SYT12: variants seen among roughly 807,000 people sequenced by gnomAD.
The protein encoded by SYT12 is synaptotagmin 12.
SYT12 carries 27 observed loss-of-function variants against 39.5 expected under a neutral mutation model. The ratio of observed to expected loss-of-function variants is 0.68; its 90% CI spans 0.50 to 0.94. The LOEUF is 0.94. Among genes scored for constraint, SYT12 ranks in the 40% least tolerant of loss-of-function variants. The pLI is 0.00. For missense variants in SYT12, 536 were observed against 572.6 expected, an observed-to-expected ratio of 0.94 and a Z score of 0.65; for synonymous variants, 233 against 239.7, an observed-to-expected ratio of 0.97 and a Z score of 0.26.
rs1217968703 is a variant in SYT12, at chr11:67,045,893, G to A, written c.1092+16G>A. ...TGTGCTCCAGGTGAGGGGGGCTGGG[G>A]GATGGGAAGGGGCCAGGTCACCCCA... On this transcript the variant is annotated intron_variant, in intron 7 of 7. Transcript: ENST00000527043. 1 of 1,613,022 alleles carries A rather than the reference G, an allele frequency of 6.2e-7. No individual in the cohort carries two copies. Among genetic ancestry groups the A allele is most frequent in the African/African-American group, 1.3e-5 (1 of 74,624 alleles).
chr11:67,048,634 G>A lies in SYT12; in HGVS notation c.1143G>A (p.Gly381=). ...TVAESSSDGR[G]DNVGHVIIGP... The stretch of plus-strand genomic sequence containing the variant: ...CTGAGAGCAGCAGCGACGGCCGTGG[G>A]GACAACGTGGGCCATGTCATCATTG... The change falls in exon 8 of 8, where the codon GGG becomes GGA. Residue 381 remains glycine, a synonymous_variant. Transcript: ENST00000527043. 3.7e-6 allele frequency: 6 copies of A among 1,611,924 alleles called. No individual in the cohort carries two copies. Among genetic ancestry groups the A allele is most frequent in the Non-Finnish European group, 5.1e-6 (6 of 1,178,482 alleles).
At chr11:67,047,892 A>G (rs1854611236) in intron 7 of SYT12, among the ~76,000 whole-genome samples, 1 of 136,566 alleles carries the variant, frequency 7.3e-6, no homozygotes, top group South Asian at 2.4e-4. Flanking sequence ...GGTTCACGCC[A>G]TTCTCCTGCC....
chr11:67,033,722 A>G (rs1429545035), intron 2 of SYT12, among the ~76,000 whole-genome samples: 1 of 152,156 alleles, frequency 6.6e-6, no homozygotes, highest in Non-Finnish European at 1.5e-5. Flanking sequence ...AGAGAACTGT[A>G]TTTGCCAGCA....
At chr11:67,039,155 T>C (rs1482405772) in intron 3 of SYT12, among the ~76,000 whole-genome samples, 1 of 146,500 alleles carries the variant, frequency 6.8e-6, no homozygotes, top group Non-Finnish European at 1.5e-5. Context: ...AATACAAAAT[T>C]AGCCGGGCGT....
chr11:67,015,291 C>T (rs2136195221), intron 3 of SYT12, among the ~76,000 whole-genome samples: 1 of 152,370 alleles, frequency 6.6e-6, no homozygotes, highest in South Asian at 2.1e-4. Flanking sequence ...AAGGCCAATG[C>T]TGGGAGAGCA....
chr11:67,028,702 CTTTTTATACTGCG>C (rs1950215078), intron 1 of SYT12: 1 of 152,220 alleles, frequency 6.6e-6, no homozygotes, highest in Admixed American at 6.5e-5. Flanking sequence ...TCCCCAAGGA[CTTTTTATACTGCG>C]TCTGAATGGT....
intron 4 of SYT12, among the ~76,000 whole-genome samples, chr11:67,043,203 C>T (rs372654578): frequency 6.2e-4 from 95 of 152,326 alleles, no homozygotes; most frequent in African/African-American, 2.2e-3. Context: ...ATCCAGCCTA[C>T]GGTGTTCAAA....
At chr11:67,021,291 G>A (rs1007752788), upstream of SYT12, among the ~76,000 whole-genome samples, 9 of 151,778 alleles carry the variant, frequency 5.9e-5, no homozygotes, top group Admixed American at 2.0e-4. Flanking sequence ...GCTCCCCAGT[G>A]TGACACCAGA....
chr11:67,020,970 C>T (rs1227224072), upstream of SYT12, among the ~76,000 whole-genome samples: 1 of 152,198 alleles, frequency 6.6e-6, no homozygotes, highest in Non-Finnish European at 1.5e-5. Context: ...CTCAGGCAAT[C>T]TACCTGCCTC....
At chr11:67,015,195 C>T (rs1950047565) in intron 3 of SYT12, among the ~76,000 whole-genome samples, 1 of 152,220 alleles carries the variant, frequency 6.6e-6, no homozygotes, top group Non-Finnish European at 1.5e-5. Flanking sequence ...ATCCCGGTGA[C>T]AGGTGGAAAG....
At chr11:67,030,004 C>T (rs1950235437) in intron 1 of SYT12, 118 bp from the exon 2 acceptor site, 1 of 779,034 alleles carries the variant, frequency 1.3e-6, no homozygotes, top group Non-Finnish European at 2.1e-6. Context: ...GGTGGCACTC[C>T]CCTTATAGCT....
Position 67,034,660 on chromosome 11 carries a change from CT to C in SYT12, c.51del (p.Gly18AlafsTer20). 1 of 1,594,832 alleles carries C rather than the reference CT, an allele frequency of 6.3e-7. No individual in the cohort carries two copies. The highest frequency in any genetic ancestry group is 8.5e-7 in the Non-Finnish European group (1 of 1,172,490). On this transcript the variant is annotated frameshift_variant, in exon 3 of 8. Transcript: ENST00000527043. LOFTEE classifies it high-confidence loss of function. ...EYHLSVIKSP[P>X]GWEVGVYAAG... Reference sequence around the variant, plus strand: ...TGCCTTGCAGTCATCAAGAGCCCCCCTGGCTGGGAGGTGGGTGTCTATGCTG... The same window carrying C: ...TGCCTTGCAGTCATCAAGAGCCCCCCGGCTGGGAGGTGGGTGTCTATGCTG...
intron 6 of SYT12, 132 bp downstream of exon 6, chr11:67,044,845 A>AGGG: frequency 7.4e-7 from 1 of 1,355,580 alleles, no homozygotes; most frequent in Non-Finnish European, 1.0e-6. Context: ...AGCTTTGCTG[A>AGGG]GCCCAGAAGT....
exon 1 of SYT12, chr11:67,007,021 G>A (rs1327328586): frequency 3.9e-5 from 6 of 152,388 alleles, no homozygotes; most frequent in East Asian, 1.9e-4. Flanking sequence ...CTTAGCCGAC[G>A]AAGGGAAAAT....
intron 4 of SYT12, among the ~76,000 whole-genome samples, chr11:67,041,875 G>T (rs972193546): frequency 6.6e-6 from 1 of 152,226 alleles, no homozygotes; most frequent in Non-Finnish European, 1.5e-5. Context: ...GCAGAGGGGG[G>T]AAGGGTGGAG....
Position 67,049,052 on chromosome 11 carries a change from AC to A in SYT12, c.*298del. The A allele has an allele frequency of 3.1e-6, 1 of 317,848 alleles. No individual in the cohort carries two copies. The highest frequency in any genetic ancestry group is 5.9e-6 in the Non-Finnish European group (1 of 168,416). 19.7% of individuals were successfully genotyped at this position (317,848 alleles called of 1,614,324 possible). A position where few individuals can be genotyped will look rare whatever the true frequency, so the allele number is the denominator to read the frequency against. On this transcript the variant is annotated 3_prime_UTR_variant, in exon 8 of 8. Transcript: ENST00000527043. ...CTGCCGAGCTGGGCTATGTTCTGGA[AC>A]CCAGTGAATCTTGGGGGCCAGGCAC...
At chr11:67,018,875 G>A (rs560451847), upstream of SYT12, among the ~76,000 whole-genome samples, 2 of 152,314 alleles carry the variant, frequency 1.3e-5, no homozygotes, top group East Asian at 3.9e-4. Flanking sequence ...AGTTGGGCCT[G>A]TGGGGTGCAC....
At chr11:67,021,095 A>C (rs1950105243), upstream of SYT12, among the ~76,000 whole-genome samples, 1 of 152,068 alleles carries the variant, frequency 6.6e-6, no homozygotes. Context: ...CCATTGTGTC[A>C]CTACACCACA....
At chr11:67,046,862 T>C (rs1030198567) in intron 7 of SYT12, among the ~76,000 whole-genome samples, 3 of 152,216 alleles carry the variant, frequency 2.0e-5, no homozygotes, top group African/African-American at 7.2e-5. Flanking sequence ...AACGTGGTGA[T>C]ATTAGTAATA....
Sources: allele counts gnomAD v4.1 joint callset (sites outside exome capture counted in the v4.1 genomes callset), GRCh38; gene constraint gnomAD v4.1.1; transcripts MANE v1.5; gene names NCBI Gene and HGNC (gene_info 2026-07-23, HGNC 2026-07-21).